Variants in GALNTL6 observed in about 807,000 individuals in gnomAD.
GALNTL6 encodes the protein polypeptide N-acetylgalactosaminyltransferase-like 6.
Under a neutral mutation model 73.7 loss-of-function variants are expected in GALNTL6, and 46 were observed. The observed-to-expected ratio is 0.62, with a 90% CI of 0.49 to 0.80. The LOEUF is 0.80. GALNTL6 is among the 30% of genes least tolerant of loss of function. GALNTL6 has a pLI of 0.00. For missense variants in GALNTL6, 604 were observed against 755.0 expected (o/e 0.80, Z 2.34); for synonymous variants, 259 against 263.7 (o/e 0.98, Z 0.17).
At position 172,240,522 on chromosome 4, in the gene GALNTL6, C is replaced by T. The variant is rs535413889; in HGVS notation, c.247+10758C>T. Among the ~76,000 whole-genome samples, 491 of 152,192 alleles carry T rather than the reference C, an allele frequency of 3.2e-3. 2 individuals are homozygous for T. Among genetic ancestry groups the T allele is most frequent in the African/African-American group, 0.011 (467 of 41,542 alleles). ...CTGGGATTACAGGCGTGAGCCACTG[C>T]GCCCAGGCTTTGTTTGTTATTTTTT... On this transcript the variant is annotated intron_variant, in intron 3 of 12. Transcript: ENST00000506823.
At chr4:172,885,847 A>T (rs1745692823) in intron 8 of GALNTL6, among the ~76,000 whole-genome samples, 1 of 152,164 alleles carries the variant, frequency 6.6e-6, no homozygotes, top group Admixed American at 6.5e-5. Flanking sequence ...TCTTGTTGTG[A>T]TATATCACAC....
chr4:171,845,596 T>G (rs560658505), intron 2 of GALNTL6, among the ~76,000 whole-genome samples: 2 of 152,180 alleles, frequency 1.3e-5, no homozygotes, highest in South Asian at 4.1e-4. Context: ...AGCTAACAAT[T>G]TAGAAAGTAG....
intron 5 of GALNTL6, among the ~76,000 whole-genome samples, chr4:172,581,421 C>T (rs1293039389): frequency 6.6e-6 from 1 of 152,088 alleles, no homozygotes; most frequent in Admixed American, 6.6e-5. Context: ...CTCTGAAGCC[C>T]AGTCTTCGAG....
chr4:172,923,236 A>G (rs971121101), intron 8 of GALNTL6, among the ~76,000 whole-genome samples: 2 of 152,204 alleles, frequency 1.3e-5, no homozygotes, highest in African/African-American at 4.8e-5. Flanking sequence ...ACAGCTGGGA[A>G]GGTCTCAGGA....
chr4:172,430,199 A>G (rs1251694127), intron 5 of GALNTL6, among the ~76,000 whole-genome samples: 1 of 152,036 alleles, frequency 6.6e-6, no homozygotes, highest in Non-Finnish European at 1.5e-5. Flanking sequence ...TGAGAAAGGA[A>G]TTTGTGAATG....
chr4:172,573,661 A>T (rs1439165187), intron 5 of GALNTL6, among the ~76,000 whole-genome samples: 1 of 152,172 alleles, frequency 6.6e-6, no homozygotes, highest in Non-Finnish European at 1.5e-5. Context: ...GGTTTCTCAG[A>T]TAAAGAGGTG....
intron 2 of GALNTL6, among the ~76,000 whole-genome samples, chr4:171,888,518 T>C (rs1736669425): frequency 6.6e-6 from 1 of 151,952 alleles, no homozygotes; most frequent in African/African-American, 2.4e-5. Context: ...TGGGAATGCT[T>C]GTCAAACAGA....
intron 2 of GALNTL6, among the ~76,000 whole-genome samples, chr4:171,858,961 C>A: frequency 6.6e-6 from 1 of 152,016 alleles, no homozygotes; most frequent in East Asian, 1.9e-4. Flanking sequence ...TTAATTTTTG[C>A]AGAAATGATA....
At chr4:172,606,450 G>C (rs1010091938) in intron 5 of GALNTL6, among the ~76,000 whole-genome samples, 1 of 118,138 alleles carries the variant, frequency 8.5e-6, no homozygotes, top group Non-Finnish European at 1.8e-5. Flanking sequence ...GCGAAACTCT[G>C]TCTCAAAACA....
intron 7 of GALNTL6, among the ~76,000 whole-genome samples, chr4:172,870,225 A>T (rs1008570834): frequency 6.6e-6 from 1 of 152,106 alleles, no homozygotes; most frequent in Admixed American, 6.6e-5. Flanking sequence ...TTATGTTTAA[A>T]TTTTTTTAAT....
At chr4:172,770,156 C>T (rs981729066) in intron 5 of GALNTL6, among the ~76,000 whole-genome samples, 1 of 151,898 alleles carries the variant, frequency 6.6e-6, no homozygotes, top group African/African-American at 2.4e-5. Flanking sequence ...ACCCCAGCTA[C>T]TTGGGAGGCT....
Position 172,368,296 on chromosome 4 carries a change from G to T in GALNTL6, c.553+19607G>T, listed in dbSNP as rs556654879. On this transcript the variant is annotated intron_variant, in intron 5 of 12. Transcript: ENST00000506823. ...CTCGGGAGGCTGAGGCAAGAAAATT[G>T]CATGAACTTGGGAGGCAGAGGTTGC... Among the ~76,000 whole-genome samples, 279 of 152,242 alleles carry T rather than the reference G, an allele frequency of 1.8e-3. 1 individual carries two copies. Among genetic ancestry groups the T allele is most frequent in the African/African-American group, 6.3e-3 (262 of 41,538 alleles).
chr4:172,152,505 G>A (rs1207232773), intron 2 of GALNTL6, among the ~76,000 whole-genome samples: 1 of 152,196 alleles, frequency 6.6e-6, no homozygotes, highest in East Asian at 1.9e-4. Flanking sequence ...ATTCATGAAT[G>A]AGAAGCCATT....
rs977448970 is a variant in GALNTL6 at position 172,773,165 on chromosome 4, C to T, written c.554-36196C>T. On this transcript the variant is annotated intron_variant, in intron 5 of 12. Coordinates refer to ENST00000506823, the MANE Select transcript of GALNTL6 (RefSeq NM_001034845.3). Reference sequence around the variant, plus strand: ...CAGAAAATGCGTCAATGGAGGAGATCGTTTCACGTATCCTGACTCCATGGA... The same window carrying T: ...CAGAAAATGCGTCAATGGAGGAGATTGTTTCACGTATCCTGACTCCATGGA... Among the ~76,000 whole-genome samples, 4 of 152,166 alleles carry T rather than the reference C, an allele frequency of 2.6e-5. No homozygotes were observed. The East Asian group carries it at 7.7e-4, about 29-fold the overall frequency.
At chr4:172,171,696 C>T (rs1035441329) in intron 2 of GALNTL6, among the ~76,000 whole-genome samples, 14 of 151,542 alleles carry the variant, frequency 9.2e-5, no homozygotes, top group South Asian at 2.1e-4. Context: ...AAAAATTAGC[C>T]GGGTGGTGGC....
intron 5 of GALNTL6, among the ~76,000 whole-genome samples, chr4:172,577,997 G>T (rs1365411407): frequency 6.6e-6 from 1 of 152,102 alleles, no homozygotes; most frequent in Non-Finnish European, 1.5e-5. Context: ...ACAATCACCA[G>T]GCCTTGTGAT....
intron 5 of GALNTL6, among the ~76,000 whole-genome samples, chr4:172,534,523 A>C (rs551284207): frequency 1.3e-5 from 2 of 152,328 alleles, no homozygotes; most frequent in South Asian, 4.1e-4. Context: ...TGAATATATT[A>C]AACATTATCA....
At chr4:172,192,434 A>T (rs573092261) in intron 2 of GALNTL6, among the ~76,000 whole-genome samples, 87 of 152,196 alleles carry the variant, frequency 5.7e-4, no homozygotes, top group Non-Finnish European at 1.1e-3. Context: ...TCCCACTGAG[A>T]AGAACGAAAA....
chr4:171,937,575 T>G (rs1738390389), intron 2 of GALNTL6, among the ~76,000 whole-genome samples: 1 of 152,144 alleles, frequency 6.6e-6, no homozygotes, highest in Non-Finnish European at 1.5e-5. Context: ...GAGATTTCTG[T>G]GAAATCAAAA....
Sources: allele counts gnomAD v4.1 joint callset (sites outside exome capture counted in the v4.1 genomes callset), GRCh38; gene constraint gnomAD v4.1.1; transcripts MANE v1.5; gene names NCBI Gene and HGNC (gene_info 2026-07-23, HGNC 2026-07-21).